Variants in AP1S1 observed in about 807,000 individuals in gnomAD.
AP1S1 encodes adaptor related protein complex 1 subunit sigma 1.
A neutral mutation model predicts 23.9 loss-of-function variants in AP1S1; 13 were observed. The ratio of observed to expected loss-of-function variants is 0.54; its 90% CI spans 0.35 to 0.86. The LOEUF is 0.86. Ranked by LOEUF, AP1S1 falls within the 40% of genes least tolerant of loss-of-function variation. The probability of loss-of-function intolerance (pLI) is 0.01; values close to 1 mark genes in which losing one functional copy is unlikely to be tolerated. For synonymous variants in AP1S1, 84 were observed against 77.7 expected (o/e 1.08, Z -0.43); for missense variants, 119 against 197.6 (o/e 0.60, Z 2.38).
At chr7:101,159,278 C>T in intron 4 of AP1S1, 82 bp downstream of exon 4, 1 of 1,527,410 alleles carries the variant, frequency 6.5e-7, no homozygotes, top group Non-Finnish European at 8.8e-7. Flanking sequence ...CCCGGCCTGC[C>T]CTGCCCACCG....
chr7:101,159,984 GCGCACACA>G (rs796840286), intron 4 of AP1S1, among the ~76,000 whole-genome samples: 44 of 140,680 alleles, frequency 3.1e-4, no homozygotes, highest in African/African-American at 1.1e-3. Context: ...ACACCCTGGC[GCGCACACA>G]CACACACACA....
chr7:101,155,841 C>T (rs978488900), intron 1 of AP1S1, among the ~76,000 whole-genome samples: 3 of 152,134 alleles, frequency 2.0e-5, no homozygotes, highest in Non-Finnish European at 4.4e-5. Context: ...ATTTCTTTGG[C>T]GTCGGTTACT....
chr7:101,155,377 G>A lies in AP1S1; in HGVS notation c.3+860G>A, dbSNP rs61414985. Among the ~76,000 whole-genome samples, 339 of 152,314 alleles carry A rather than the reference G, an allele frequency of 2.2e-3. 2 individuals carry two copies. Among genetic ancestry groups the A allele is most frequent in the African/African-American group, 7.9e-3 (327 of 41,578 alleles). Reference sequence around the variant, plus strand: ...GGCCCAGACCCCCCGGAACTGGGAAGCTGGGGTACACTGGGCAGTGAGGGT... The same window carrying A: ...GGCCCAGACCCCCCGGAACTGGGAAACTGGGGTACACTGGGCAGTGAGGGT... On this transcript the variant is annotated intron_variant, in intron 1 of 4. Coordinates refer to ENST00000337619, the MANE Select transcript of AP1S1 (RefSeq NM_001283.5).
chr7:101,157,356 C>T (rs1797008548), intron 2 of AP1S1, 21 bp from the exon 3 acceptor site: 1 of 1,528,270 alleles, frequency 6.5e-7, no homozygotes, highest in African/African-American at 1.4e-5. Flanking sequence ...GTAGCGATGT[C>T]TCATGCGCTC....
At chr7:101,158,233 G>T (rs962244523) in intron 3 of AP1S1, among the ~76,000 whole-genome samples, 1 of 152,156 alleles carries the variant, frequency 6.6e-6, no homozygotes, top group African/African-American at 2.4e-5. Flanking sequence ...ATCTTAGATG[G>T]GGCGTAGTAG....
chr7:101,155,447 G>C (rs2239538), intron 1 of AP1S1, among the ~76,000 whole-genome samples: 1 of 152,030 alleles, frequency 6.6e-6, no homozygotes, highest in South Asian at 2.1e-4. Flanking sequence ...CTGTTCTGCA[G>C]ACATTCTTTT....
intron 4 of AP1S1, among the ~76,000 whole-genome samples, chr7:101,159,993 C>CGT (rs1432729122): frequency 6.6e-6 from 1 of 151,316 alleles, no homozygotes; most frequent in Non-Finnish European, 1.5e-5. Flanking sequence ...CGCGCACACA[C>CGT]ACACACACAC....
Position 101,160,624 on chromosome 7 carries a change from T to G in AP1S1, c.*58T>G. On this transcript the variant is annotated 3_prime_UTR_variant, in exon 5 of 5. Coordinates refer to ENST00000337619, the MANE Select transcript of AP1S1 (RefSeq NM_001283.5). ...CTGGCAGCGTGGCGGGAACGGCTGC[T>G]TCTCCTCTGCCCAGGGCCCTGTTCT... 2 of 1,578,112 alleles carry G rather than the reference T, an allele frequency of 1.3e-6. No individual in the cohort carries two copies. The highest frequency in any genetic ancestry group is 1.1e-5 in the South Asian group (1 of 90,366).
chr7:101,157,555 C>T (rs1449838937), intron 3 of AP1S1, 70 bp downstream of exon 3: 39 of 1,223,554 alleles, frequency 3.2e-5, no homozygotes, highest in African/African-American at 4.5e-5. Flanking sequence ...ACTTTGAGGC[C>T]CCTCCAGTCT....
Position 101,157,446 on chromosome 7 carries a change from C to A in AP1S1, c.252C>A (p.Ile84=). The A allele has an allele frequency of 1.3e-6, 2 of 1,576,024 alleles. No homozygotes were observed. Among genetic ancestry groups the A allele is most frequent in the East Asian group, 2.3e-5 (1 of 42,860 alleles). The part of the protein sequence containing the change: ...QDNELITLEL[I]HRYVELLDKY... ...ATGAGCTCATCACACTGGAGCTGATCCACCGATACGTGGAGCTCTTAGACA... is the reference window on the plus strand; with the variant it reads ...ATGAGCTCATCACACTGGAGCTGATACACCGATACGTGGAGCTCTTAGACA... Residue 84 remains isoleucine (I), a synonymous_variant, in exon 3 of 5, where the codon ATC becomes ATA. Transcript: ENST00000337619.
chr7:101,158,815 A>C (rs1305298278), intron 3 of AP1S1, among the ~76,000 whole-genome samples: 1 of 152,202 alleles, frequency 6.6e-6, no homozygotes, highest in African/African-American at 2.4e-5. Flanking sequence ...AGGCAGGAGG[A>C]TCACTTGAGC....
chr7:101,156,918 T>C, intron 2 of AP1S1, 146 bp downstream of exon 2: 1 of 752,840 alleles, frequency 1.3e-6, no homozygotes, highest in Non-Finnish European at 1.9e-6. Flanking sequence ...TTCCTTTTTT[T>C]TTTTTTTTTT....
intron 1 of AP1S1, among the ~76,000 whole-genome samples, chr7:101,155,459 G>A (rs1562863136): frequency 6.6e-6 from 1 of 152,132 alleles, no homozygotes; most frequent in African/African-American, 2.4e-5. Context: ...CATTCTTTTA[G>A]GGGAACCCCC....
chr7:101,156,754 T>G lies in AP1S1; in HGVS notation c.164T>G (p.Leu55Arg), dbSNP rs1161456114. Residue 55 changes from leucine (L) to arginine (R), a missense_variant, in exon 2 of 5, where the codon CTC becomes CGC. Leu to Arg is a moderately radical substitution (Grantham distance 102, BLOSUM62 -2). Coordinates refer to ENST00000337619, the MANE Select transcript of AP1S1 (RefSeq NM_001283.5). ...KMCSFLEWRD[L>R]KVVYKRYASL... is the part of the protein sequence containing the mutation. ...TGCAGCTTCCTGGAGTGGAGGGACCTCAAAGTTGTCTATAAGAGGTGACTC... is the reference window on the plus strand; with the variant it reads ...TGCAGCTTCCTGGAGTGGAGGGACCGCAAAGTTGTCTATAAGAGGTGACTC... The G allele has an allele frequency of 5.1e-6, 8 of 1,581,524 alleles. No individual in the cohort carries two copies. Among genetic ancestry groups the G allele is most frequent in the Non-Finnish European group, 6.0e-6 (7 of 1,160,280 alleles).
rs1349089172 is a variant in AP1S1, at chr7:101,160,501, T to A, written c.430-18T>A. 1 of 1,610,466 alleles carries A rather than the reference T, an allele frequency of 6.2e-7. No homozygotes were observed. The highest frequency in any genetic ancestry group is 8.5e-7 in the Non-Finnish European group (1 of 1,179,794). On this transcript the variant is annotated intron_variant, in intron 4 of 4. Transcript: ENST00000337619. ...CTCCTGGTGTCTCTGCGTCACCCTC[T>A]GTCTGTCTCTGCCTTAGGAGGATGA...
rs1234738293 is a variant in AP1S1, at chr7:101,154,499, A to T, written c.-16A>T. 1 of 1,571,044 alleles carries T rather than the reference A, an allele frequency of 6.4e-7. No individual in the cohort carries two copies. The highest frequency in any genetic ancestry group is 2.3e-5 in the East Asian group (1 of 42,912). On this transcript the variant is annotated 5_prime_UTR_variant, in exon 1 of 5. Transcript: ENST00000337619. ...ACGGTGGCCGAAGTGGGACGCGCCG[A>T]GCCGGAGGCTGCAGGATGGTAGGCT...
intron 4 of AP1S1, among the ~76,000 whole-genome samples, chr7:101,159,969 C>CAT (rs1797063625): frequency 7.3e-6 from 1 of 137,658 alleles, no homozygotes; most frequent in Non-Finnish European, 1.5e-5. Flanking sequence ...CACACGCACA[C>CAT]ACACACACCC....
At chr7:101,155,802 G>A (rs1796983084) in intron 1 of AP1S1, among the ~76,000 whole-genome samples, 1 of 152,188 alleles carries the variant, frequency 6.6e-6, no homozygotes, top group Non-Finnish European at 1.5e-5. Context: ...GCATGGTGAT[G>A]GATAGAGAGA....
At chr7:101,155,016 A>T in intron 1 of AP1S1, 1 of 990,594 alleles carries the variant, frequency 1.0e-6, no homozygotes. Flanking sequence ...GCTTGCCTAG[A>T]GGCTGGGCCC....
Sources: allele counts gnomAD v4.1 joint callset (sites outside exome capture counted in the v4.1 genomes callset), GRCh38; gene constraint gnomAD v4.1.1; transcripts MANE v1.5; gene names NCBI Gene and HGNC (gene_info 2026-07-23, HGNC 2026-07-21).